Variants in ARFIP1 observed in about 807,000 individuals in gnomAD.
ARFIP1 encodes arfaptin-1.
ARFIP1 carries 24 observed loss-of-function variants against 42.5 expected under a neutral mutation model. The observed-to-expected ratio is 0.57, with a 90% CI of 0.41 to 0.80. ARFIP1 has a LOEUF of 0.80. Ranked by LOEUF, ARFIP1 falls within the 30% of genes least tolerant of loss-of-function variation. The probability of loss-of-function intolerance (pLI) is 0.00; values close to 1 mark genes in which losing one functional copy is unlikely to be tolerated. For synonymous variants in ARFIP1, 141 were observed against 153.7 expected (o/e 0.92, Z 0.61); for missense variants, 354 against 434.0 (o/e 0.82, Z 1.64).
At chr4:152,908,986 C>A (rs970850943) in intron 8 of ARFIP1, among the ~76,000 whole-genome samples, 2 of 146,854 alleles carry the variant, frequency 1.4e-5, no homozygotes, top group African/African-American at 5.0e-5. Flanking sequence ...CATTTAGCAT[C>A]GTGTTTCAAA....
At chr4:152,827,159 T>C (rs1323805681) in intron 1 of ARFIP1, among the ~76,000 whole-genome samples, 1 of 152,276 alleles carries the variant, frequency 6.6e-6, no homozygotes, top group African/African-American at 2.4e-5. Context: ...GTAATTTTTA[T>C]GTTACGTGTT....
At chr4:152,901,470 T>C (rs1203999736) in intron 8 of ARFIP1, among the ~76,000 whole-genome samples, 1 of 152,226 alleles carries the variant, frequency 6.6e-6, no homozygotes, top group East Asian at 1.9e-4. Flanking sequence ...ATGATATGTT[T>C]AGGTCACTCA....
chr4:152,800,082 AAAG>A (rs1337454866), intron 1 of ARFIP1, among the ~76,000 whole-genome samples: 2 of 152,220 alleles, frequency 1.3e-5, no homozygotes, highest in Non-Finnish European at 2.9e-5. Context: ...AAATTTAAAA[AAAG>A]AACAGGTACG....
At chr4:152,896,748 C>T (rs1038376894) in intron 8 of ARFIP1, among the ~76,000 whole-genome samples, 12 of 149,796 alleles carry the variant, frequency 8.0e-5, no homozygotes, top group African/African-American at 2.9e-4. Context: ...ATTAAGTTAG[C>T]TAAAAAAAAA....
chr4:152,804,299 ATTATAT>A (rs1333343068), intron 1 of ARFIP1, among the ~76,000 whole-genome samples: 1 of 46,530 alleles, frequency 2.1e-5, no homozygotes, highest in African/African-American at 1.3e-4. Context: ...TATTATATAT[ATTATAT>A]ATATATAACA....
chr4:152,882,199 T>A (rs2149892694), intron 6 of ARFIP1, among the ~76,000 whole-genome samples: 1 of 152,296 alleles, frequency 6.6e-6, no homozygotes, highest in Middle Eastern at 3.4e-3. Context: ...CTCAGTTGTG[T>A]GCCTAAATAG....
chr4:152,863,503 A>C, intron 2 of ARFIP1, 103 bp from the exon 3 acceptor site: 1 of 666,976 alleles, frequency 1.5e-6, no homozygotes, highest in African/African-American at 1.8e-5. Context: ...TAGCAGAGAG[A>C]AAAATAATCT....
At chr4:152,809,312 G>C (rs1333860949) in intron 1 of ARFIP1, among the ~76,000 whole-genome samples, 3 of 152,140 alleles carry the variant, frequency 2.0e-5, no homozygotes, top group Non-Finnish European at 4.4e-5. Context: ...TGTATTCATA[G>C]CAGCTTTACT....
intron 5 of ARFIP1, 100 bp downstream of exon 5, chr4:152,872,664 G>T: frequency 1.7e-6 from 1 of 583,064 alleles, no homozygotes; most frequent in South Asian, 2.6e-5. Flanking sequence ...ACATAGAGAA[G>T]AGAAAATGCC....
chr4:152,862,266 T>C (rs1380615535), intron 2 of ARFIP1, among the ~76,000 whole-genome samples: 1 of 152,124 alleles, frequency 6.6e-6, no homozygotes, highest in Non-Finnish European at 1.5e-5. Flanking sequence ...TTCCATATCA[T>C]CCATGTTGGT....
intron 3 of ARFIP1, among the ~76,000 whole-genome samples, chr4:152,869,287 A>C (rs2149881725): frequency 6.6e-6 from 1 of 152,318 alleles, no homozygotes; most frequent in African/African-American, 2.4e-5. Flanking sequence ...GAACTGGGGA[A>C]GAGTGTAATT....
intron 3 of ARFIP1, among the ~76,000 whole-genome samples, chr4:152,869,358 A>AT (rs1165531413): frequency 1.3e-5 from 2 of 151,854 alleles, no homozygotes; most frequent in African/African-American, 4.8e-5. Context: ...GGACTTTAAT[A>AT]TTTTTTCAGT....
intron 2 of ARFIP1, among the ~76,000 whole-genome samples, chr4:152,847,095 C>T: frequency 8.4e-6 from 1 of 119,222 alleles, no homozygotes; most frequent in South Asian, 2.8e-4. Flanking sequence ...TTAGTCATTG[C>T]CTCGTATGTT....
intron 1 of ARFIP1, among the ~76,000 whole-genome samples, chr4:152,808,185 G>T (rs1729136635): frequency 6.7e-6 from 1 of 149,634 alleles, no homozygotes; most frequent in African/African-American, 2.5e-5. Flanking sequence ...TCTCCATGTT[G>T]GTCAGGCTGG....
At chr4:152,822,934 C>T (rs1216137642) in intron 1 of ARFIP1, among the ~76,000 whole-genome samples, 1 of 152,026 alleles carries the variant, frequency 6.6e-6, no homozygotes, top group Non-Finnish European at 1.5e-5. Context: ...GTGCTAAACA[C>T]CTACATAAAA....
chr4:152,853,047 G>A (rs1384723594), intron 2 of ARFIP1, among the ~76,000 whole-genome samples: 1 of 152,194 alleles, frequency 6.6e-6, no homozygotes, highest in African/African-American at 2.4e-5. Context: ...GGATTTGAGT[G>A]ACTGTAATGT....
intron 8 of ARFIP1, among the ~76,000 whole-genome samples, chr4:152,904,994 C>T (rs1738187974): frequency 6.6e-6 from 1 of 152,198 alleles, no homozygotes; most frequent in African/African-American, 2.4e-5. Context: ...AATGGTTGAA[C>T]TAATTTACAT....
At chr4:152,841,514 C>A (rs1436058446) in intron 2 of ARFIP1, among the ~76,000 whole-genome samples, 1 of 152,024 alleles carries the variant, frequency 6.6e-6, no homozygotes, top group Non-Finnish European at 1.5e-5. Flanking sequence ...TAAAGAGGTT[C>A]TGTTTTGATG....
At chr4:152,904,574 G>T (rs1354858407) in intron 8 of ARFIP1, among the ~76,000 whole-genome samples, 1 of 152,014 alleles carries the variant, frequency 6.6e-6, no homozygotes, top group Non-Finnish European at 1.5e-5. Context: ...ACAGGCCCCA[G>T]TGTGTGTTGA....
Sources: gnomAD v4.1 joint callset for allele counts (sites outside exome capture counted in the v4.1 genomes callset) on GRCh38, gnomAD v4.1.1 for gene constraint, MANE v1.5 for transcripts, NCBI Gene and HGNC (gene_info 2026-07-23, HGNC 2026-07-21) for gene names.